The following ZNF331 variants were observed in gnomAD, a reference collection of about 807,000 sequenced individuals.
The protein encoded by ZNF331 is C2H2-like zinc finger protein rearranged in thyroid adenomas.
A neutral mutation model predicts 7.0 loss-of-function variants in ZNF331; 2 were observed. The ratio of observed to expected loss-of-function variants is 0.29; its 90% CI spans 0.12 to 0.90. The LOEUF is 0.90. Among genes scored for constraint, ZNF331 ranks in the 40% least tolerant of loss-of-function variants. The pLI, the probability that ZNF331 is intolerant of heterozygous loss-of-function variation, is 0.58. For synonymous variants in ZNF331, 196 were observed against 205.4 expected (o/e 0.95, Z 0.39); for missense variants, 432 against 587.7 (o/e 0.74, Z 2.74).
chr19:53,563,147 G>A (rs947020846), intron 3 of ZNF331, among the ~76,000 whole-genome samples: 21 of 146,416 alleles, frequency 1.4e-4, no homozygotes, highest in African/African-American at 4.8e-4. Flanking sequence ...GAGTGCAAGG[G>A]CGTGATCTCA....
In ZNF331 at chr19:53,571,192, A is replaced by G. The variant is rs73051575; in HGVS notation, c.10-412A>G. On this transcript the variant is annotated intron_variant, in intron 4 of 5. Coordinates refer to ENST00000449416, the MANE Select transcript of ZNF331 (RefSeq NM_001079906.2). This position sits in a 1 kb window ranked among gnomAD's most constrained non-coding sequence, Gnocchi z 4.7. The stretch of plus-strand genomic sequence containing the variant: ...CCCCCGCCCAGCCCCAGCAAACCCT[A>G]TTTTCTAAAATAAAAGTTCTTAAAC... 0.052 allele frequency among the ~76,000 whole-genome samples: 7,910 copies of G among 152,090 alleles called. 225 individuals carry two copies. Among genetic ancestry groups the G allele is most frequent in the Non-Finnish European group, 0.066 (4,469 of 67,970 alleles).
At chr19:53,567,488 G>C (rs763222191) in intron 3 of ZNF331, among the ~76,000 whole-genome samples, 1 of 152,008 alleles carries the variant, frequency 6.6e-6, no homozygotes, top group Non-Finnish European at 1.5e-5. Flanking sequence ...CTGCATAGAA[G>C]ACCACCCTCA....
At chr19:53,556,729 C>G (rs1011299040) in intron 3 of ZNF331, among the ~76,000 whole-genome samples, 1 of 152,090 alleles carries the variant, frequency 6.6e-6, no homozygotes, top group Non-Finnish European at 1.5e-5. Flanking sequence ...CCTCAGCCCC[C>G]TGGGCTCAAG....
At chr19:53,519,349 G>A (rs747599040), upstream of ZNF331, among the ~76,000 whole-genome samples, 9 of 152,172 alleles carry the variant, frequency 5.9e-5, no homozygotes, top group Non-Finnish European at 1.2e-4. Flanking sequence ...CTGCTCTTTT[G>A]CAGACCTTGG....
Position 53,577,255 on chromosome 19 carries a change from A to C in ZNF331, c.695A>C (p.Gln232Pro). 2 of 1,614,098 alleles carry C rather than the reference A, an allele frequency of 1.2e-6. No individual in the cohort carries two copies. The highest frequency in any genetic ancestry group is 1.3e-5 in the African/African-American group (1 of 75,024). ...TTTCGGCGTGGTGATGAGCTCACTC[A>C]GCACCAGAGATTCCACACTGGGGAG... The part of the protein sequence containing the change: ...KAFRRGDELT[Q>P]HQRFHTGEKD... The change falls in exon 6 of 6, where the codon CAG becomes CCG. Residue 232 changes from glutamine to proline, a missense_variant. By Grantham distance (76) the Gln-to-Pro change is moderately conservative. Coordinates refer to ENST00000449416, the MANE Select transcript of ZNF331 (RefSeq NM_001079906.2).
chr19:53,519,879 A>C (rs2708783), upstream of ZNF331, among the ~76,000 whole-genome samples: 50,959 of 151,766 alleles, frequency 0.34, 8,791 homozygotes, highest in Middle Eastern at 0.41. Context: ...CCAAAATCTC[A>C]CATGTAAACA....
In ZNF331 at chr19:53,571,488, CACGGGTGTTCAGT is replaced by C; in HGVS notation, c.10-115_10-103del. 7.4e-7 allele frequency: 1 copy of C among 1,346,468 alleles called. No individual in the cohort carries two copies. Among genetic ancestry groups the C allele is most frequent in the East Asian group, 2.3e-5 (1 of 43,236 alleles). The allele number at this position is 1,346,468 out of a possible 1,614,324, so 83.4% of individuals were successfully genotyped here. A position where few individuals can be genotyped will look rare whatever the true frequency, so the allele number is the denominator to read the frequency against. On this transcript the variant is annotated intron_variant, in intron 4 of 5. Coordinates refer to ENST00000449416, the MANE Select transcript of ZNF331 (RefSeq NM_001079906.2). The surrounding 1 kb of genome is among the most constrained non-coding windows in gnomAD (Gnocchi z 4.7). ...TGTCCTTACCGCCCCTTGCCGATGT[CACGGGTGTTCAGT>C]CTGCTCACGGTGTTCACCCTACCCA...
intron 2 of ZNF331, among the ~76,000 whole-genome samples, chr19:53,543,036 C>T (rs1170757023): frequency 1.3e-5 from 2 of 151,982 alleles, no homozygotes; most frequent in South Asian, 2.1e-4. Flanking sequence ...CTTGAACTCC[C>T]GACCTCAGGT....
intron 2 of ZNF331, chr19:53,555,308 C>T (rs1276244167): frequency 7.0e-6 from 1 of 143,710 alleles, no homozygotes; most frequent in Non-Finnish European, 1.5e-5. Context: ...CGTCTCTGTG[C>T]TGAGATGGGT....
At chr19:53,541,253 G>T (rs1257661316) in intron 2 of ZNF331, among the ~76,000 whole-genome samples, 3 of 151,722 alleles carry the variant, frequency 2.0e-5, no homozygotes, top group African/African-American at 7.3e-5. Flanking sequence ...TTACAGGCAT[G>T]CGCCACCACA....
At chr19:53,520,620 A>C (rs1396029528), upstream of ZNF331, among the ~76,000 whole-genome samples, 1 of 152,248 alleles carries the variant, frequency 6.6e-6, no homozygotes, top group Non-Finnish European at 1.5e-5. Flanking sequence ...GACACCGACG[A>C]AAAGCATTCT....
At chr19:53,566,383 C>G (rs1355682014) in intron 3 of ZNF331, among the ~76,000 whole-genome samples, 2 of 152,028 alleles carry the variant, frequency 1.3e-5, no homozygotes, top group Admixed American at 6.6e-5. Context: ...ACCTCTGCCC[C>G]CTGGGTGCAA....
At chr19:53,534,391 G>A (rs764740911), upstream of ZNF331, among the ~76,000 whole-genome samples, 4 of 151,994 alleles carry the variant, frequency 2.6e-5, no homozygotes, top group Admixed American at 6.6e-5. Flanking sequence ...AGATTCAAGC[G>A]ATTCTTCTGC....
chr19:53,564,641 A>G (rs988097786), intron 3 of ZNF331, among the ~76,000 whole-genome samples: 2 of 152,192 alleles, frequency 1.3e-5, no homozygotes, highest in Admixed American at 6.6e-5. Context: ...TTTTTTCTCA[A>G]TTAATCTGCA....
the ZNF331 span, among the ~76,000 whole-genome samples, chr19:53,508,467 C>G: frequency 6.6e-6 from 1 of 152,058 alleles, no homozygotes; most frequent in Non-Finnish European, 1.5e-5. Flanking sequence ...TTCCTTGTTT[C>G]CCCTCTTGAT....
the ZNF331 span, among the ~76,000 whole-genome samples, chr19:53,504,845 G>A: frequency 9.8e-5 from 15 of 152,296 alleles, no homozygotes; most frequent in Admixed American, 8.5e-4. Flanking sequence ...CTTCACCGGT[G>A]TGGTTAGCGG....
At chr19:53,563,817 T>G (rs2090014035) in intron 3 of ZNF331, 1 of 151,934 alleles carries the variant, frequency 6.6e-6, no homozygotes, top group Non-Finnish European at 1.5e-5. Context: ...GAGCTCAGGT[T>G]TGCATCCTGA....
rs1265047840 is a variant in ZNF331, at chr19:53,571,015, C to T, written c.10-589C>T. Among the ~76,000 whole-genome samples, 4 of 151,900 alleles carry T rather than the reference C, an allele frequency of 2.6e-5. No individual in the cohort carries two copies. Among genetic ancestry groups the T allele is most frequent in the Admixed American group, 6.6e-5 (1 of 15,246 alleles). ...CTGGGACTACAGGCGCCCACCATCACGCCCGGCTAATTTTTTTGTATTTTT... is the reference window on the plus strand; with the variant it reads ...CTGGGACTACAGGCGCCCACCATCATGCCCGGCTAATTTTTTTGTATTTTT... On this transcript the variant is annotated intron_variant, in intron 4 of 5. Transcript: ENST00000449416. This position sits in a 1 kb window ranked among gnomAD's most constrained non-coding sequence, Gnocchi z 4.7.
intron 3 of ZNF331, among the ~76,000 whole-genome samples, chr19:53,569,072 G>A (rs1348414057): frequency 1.3e-5 from 2 of 151,942 alleles, no homozygotes; most frequent in Non-Finnish European, 2.9e-5. Flanking sequence ...TAGCCAAGAT[G>A]GTCTCGATCT....
Sources: gnomAD v4.1 joint callset for allele counts (sites outside exome capture counted in the v4.1 genomes callset) on GRCh38, gnomAD v4.1.1 for gene constraint, Gnocchi (gnomAD v3.1) non-coding constraint, MANE v1.5 for transcripts, NCBI Gene and HGNC (gene_info 2026-07-23, HGNC 2026-07-21) for gene names.